Variants in ZNF804B observed in about 807,000 individuals in gnomAD.
ZNF804B encodes the protein zinc finger protein 804B, also known as zinc finger 804B.
Under a neutral mutation model 101.4 loss-of-function variants are expected in ZNF804B, and 80 were observed. The observed-to-expected ratio is 0.79, with a 90% CI of 0.66 to 0.95. ZNF804B has a LOEUF of 0.95. Among genes scored for constraint, ZNF804B ranks in the 40% least tolerant of loss-of-function variants. The probability of loss-of-function intolerance (pLI) is 0.00; values close to 1 mark genes in which losing one functional copy is unlikely to be tolerated. For missense variants in ZNF804B, 1,673 were observed against 1,561.9 expected (o/e 1.07, Z -1.20); for synonymous variants, 622 against 558.8 (o/e 1.11, Z -1.59).
Position 89,260,985 on chromosome 7 carries a change from G to A in ZNF804B, c.249+42690G>A, listed in dbSNP as rs138125540. Among the ~76,000 whole-genome samples, 41 of 151,920 alleles carry A rather than the reference G, an allele frequency of 2.7e-4. No individual in the cohort carries two copies. In the East Asian group the frequency reaches 7.5e-3, roughly 28 times the overall value. On this transcript the variant is annotated intron_variant, in intron 2 of 3. Coordinates refer to ENST00000333190, the MANE Select transcript of ZNF804B (RefSeq NM_181646.5). ...ATAAAAATATGAGAAAACCATGATAGTTTACCTTTTACTGCTATATGCAAT... is the reference window on the plus strand; with the variant it reads ...ATAAAAATATGAGAAAACCATGATAATTTACCTTTTACTGCTATATGCAAT...
chr7:89,122,676 T>C (rs1448512386), intron 1 of ZNF804B, among the ~76,000 whole-genome samples: 1 of 152,136 alleles, frequency 6.6e-6, no homozygotes, highest in Non-Finnish European at 1.5e-5. Context: ...TGCAGAGTAT[T>C]ATTGGTGTGG....
chr7:89,329,953 G>A (rs943361147), intron 3 of ZNF804B, among the ~76,000 whole-genome samples: 1 of 151,590 alleles, frequency 6.6e-6, no homozygotes, highest in Non-Finnish European at 1.5e-5. Flanking sequence ...GTTTGGTAAG[G>A]ATGCTTTTTG....
At chr7:88,945,266 T>G (rs1444082137) in intron 1 of ZNF804B, among the ~76,000 whole-genome samples, 1 of 152,092 alleles carries the variant, frequency 6.6e-6, no homozygotes. Context: ...AATTTTTGTA[T>G]AAGGTGTAAG....
At chr7:89,251,669 A>G (rs550515725) in intron 2 of ZNF804B, among the ~76,000 whole-genome samples, 2 of 152,252 alleles carry the variant, frequency 1.3e-5, no homozygotes, top group African/African-American at 2.4e-5. Flanking sequence ...ACAGTAACCA[A>G]AACGGTATGG....
At chr7:88,846,842 T>C (rs1430843820) in intron 1 of ZNF804B, among the ~76,000 whole-genome samples, 1 of 151,978 alleles carries the variant, frequency 6.6e-6, no homozygotes, top group African/African-American at 2.4e-5. Flanking sequence ...TATATATATG[T>C]TGTTGTATAT....
chr7:88,761,744 T>A (rs1789900198), intron 1 of ZNF804B, among the ~76,000 whole-genome samples: 1 of 152,224 alleles, frequency 6.6e-6, no homozygotes, highest in Non-Finnish European at 1.5e-5. Flanking sequence ...GCCTTAAGAC[T>A]TCTCAGTATA....
At chr7:89,307,201 T>G (rs1273483061) in intron 2 of ZNF804B, among the ~76,000 whole-genome samples, 3 of 152,020 alleles carry the variant, frequency 2.0e-5, no homozygotes, top group Non-Finnish European at 4.4e-5. Flanking sequence ...GAAACTTTCT[T>G]AGTGCCTCTG....
intron 1 of ZNF804B, among the ~76,000 whole-genome samples, chr7:89,145,748 C>T (rs1246200434): frequency 6.6e-6 from 1 of 151,952 alleles, no homozygotes; most frequent in Non-Finnish European, 1.5e-5. Flanking sequence ...ATGCTTTTCC[C>T]TCCCTAAATA....
chr7:89,221,200 A>G (rs1218181757), intron 2 of ZNF804B, among the ~76,000 whole-genome samples: 6 of 151,950 alleles, frequency 3.9e-5, no homozygotes, highest in African/African-American at 1.4e-4. Flanking sequence ...CTTTATTTGT[A>G]TTTATAAAAT....
At chr7:89,137,599 A>T (rs1473792913) in intron 1 of ZNF804B, among the ~76,000 whole-genome samples, 1 of 152,142 alleles carries the variant, frequency 6.6e-6, no homozygotes, top group Admixed American at 6.6e-5. Context: ...AGCATTTAAG[A>T]GGTGACTTGG....
rs191543235 is a variant in ZNF804B at position 88,927,123 on chromosome 7, A to G, written c.108+167039A>G. 3.0e-4 allele frequency among the ~76,000 whole-genome samples: 46 copies of G among 152,234 alleles called. 1 individual carries two copies. The highest frequency in any genetic ancestry group is 3.0e-3 in the Admixed American group (46 of 15,272). ...GATTATGAAAGCAGTGCCAAAATTA[A>G]CAGACATGTTTTTTAGCATCTATAA... On this transcript the variant is annotated intron_variant, in intron 1 of 3. Coordinates refer to ENST00000333190, the MANE Select transcript of ZNF804B (RefSeq NM_181646.5).
intron 1 of ZNF804B, among the ~76,000 whole-genome samples, chr7:88,883,490 C>T (rs1257488620): frequency 2.0e-5 from 3 of 152,036 alleles, no homozygotes; most frequent in Non-Finnish European, 4.4e-5. Context: ...TAAAACCTTA[C>T]TCAACACACT....
chr7:89,259,478 A>G (rs1302815393), intron 2 of ZNF804B, among the ~76,000 whole-genome samples: 2 of 152,212 alleles, frequency 1.3e-5, no homozygotes. Context: ...TTTTTCTATA[A>G]CAATGATGGC....
At chr7:88,909,549 C>T (rs1363790217) in intron 1 of ZNF804B, among the ~76,000 whole-genome samples, 1 of 151,710 alleles carries the variant, frequency 6.6e-6, no homozygotes. Flanking sequence ...GTAAATATTC[C>T]ACTGCCAGAG....
intron 1 of ZNF804B, among the ~76,000 whole-genome samples, chr7:89,182,355 T>A (rs1788310536): frequency 6.6e-6 from 1 of 152,184 alleles, no homozygotes; most frequent in Non-Finnish European, 1.5e-5. Flanking sequence ...CATAAAAAGA[T>A]ATGTGACAAT....
intron 1 of ZNF804B, among the ~76,000 whole-genome samples, chr7:89,056,469 G>A (rs1789297044): frequency 6.6e-6 from 1 of 152,076 alleles, no homozygotes; most frequent in Non-Finnish European, 1.5e-5. Context: ...TTATGATGTA[G>A]CAAGGAAAGG....
chr7:88,874,691 A>C (rs945676408), intron 1 of ZNF804B, among the ~76,000 whole-genome samples: 4 of 152,132 alleles, frequency 2.6e-5, no homozygotes, highest in African/African-American at 9.7e-5. Context: ...GGGCTGTTGA[A>C]TTTTGTCAAA....
intron 1 of ZNF804B, among the ~76,000 whole-genome samples, chr7:88,845,341 A>G (rs1791358187): frequency 6.6e-6 from 1 of 150,898 alleles, no homozygotes; most frequent in Non-Finnish European, 1.5e-5. Flanking sequence ...CACAGTATAC[A>G]AAATATGCCA....
intron 1 of ZNF804B, among the ~76,000 whole-genome samples, chr7:88,991,516 C>A (rs538944173): frequency 3.0e-4 from 45 of 152,272 alleles, no homozygotes; most frequent in African/African-American, 1.1e-3. Context: ...TTTGCCCCAG[C>A]AGCTCCTCTG....
Sources: allele counts gnomAD v4.1 joint callset (sites outside exome capture counted in the v4.1 genomes callset), GRCh38; gene constraint gnomAD v4.1.1; transcripts MANE v1.5; gene names NCBI Gene and HGNC (gene_info 2026-07-23, HGNC 2026-07-21).